The following MAN1A1 variants were observed in gnomAD, a reference collection of about 807,000 sequenced individuals.
The protein encoded by MAN1A1 is mannosidase alpha class 1A member 1, also known as mannosyl-oligosaccharide 1,2-alpha-mannosidase IA.
Under a neutral mutation model 70.8 loss-of-function variants are expected in MAN1A1, and 29 were observed. That is an observed-to-expected ratio of 0.41 (90% CI 0.31 to 0.56). The LOEUF is 0.56. MAN1A1 is among the 20% of genes least tolerant of loss of function. The probability of loss-of-function intolerance (pLI) is 0.29; values close to 1 mark genes in which losing one functional copy is unlikely to be tolerated. For missense variants in MAN1A1, 747 were observed against 841.3 expected (o/e 0.89, Z 1.39); for synonymous variants, 349 against 330.1 (o/e 1.06, Z -0.62).
intron 10 of MAN1A1, among the ~76,000 whole-genome samples, chr6:119,188,879 A>G (rs765952441): frequency 6.6e-6 from 1 of 152,230 alleles, no homozygotes; most frequent in Non-Finnish European, 1.5e-5. Flanking sequence ...GGGAATAAAG[A>G]TAAGAACAAA....
Position 119,349,232 on chromosome 6 carries a change from C to T in MAN1A1, c.-167G>A, listed in dbSNP as rs1191530437. On this transcript the variant is annotated 5_prime_UTR_variant, in exon 2 of 13. Coordinates refer to ENST00000368468, the MANE Select transcript of MAN1A1 (RefSeq NM_005907.4). ...GAACAACTCCGCGCCGGGTCTTCTC[C>T]CCGGGGCGGCTCCTCGGGCACACAG... 2 of 1,215,098 alleles carry T rather than the reference C, an allele frequency of 1.6e-6. No homozygotes were observed. Among genetic ancestry groups the T allele is most frequent in the Non-Finnish European group, 2.0e-6 (2 of 977,832 alleles). The allele number at this position is 1,215,098 out of a possible 1,614,324, so 75.3% of individuals were successfully genotyped here.
chr6:119,196,088 C>T (rs551760875), intron 8 of MAN1A1, among the ~76,000 whole-genome samples: 120 of 152,232 alleles, frequency 7.9e-4, no homozygotes, highest in African/African-American at 2.8e-3. Flanking sequence ...GGCCAGGATC[C>T]AGACGTGTCA....
At chr6:119,278,521 G>T (rs1289688690) in intron 5 of MAN1A1, among the ~76,000 whole-genome samples, 3 of 152,004 alleles carry the variant, frequency 2.0e-5, no homozygotes, top group Non-Finnish European at 4.4e-5. Context: ...TATTTTAGCA[G>T]TATTAAAGAT....
chr6:119,273,145 G>A (rs539572361), intron 5 of MAN1A1, among the ~76,000 whole-genome samples: 37 of 152,202 alleles, frequency 2.4e-4, no homozygotes, highest in African/African-American at 8.2e-4. Flanking sequence ...TAAGACTGGG[G>A]CAGAAATTTA....
intron 11 of MAN1A1, among the ~76,000 whole-genome samples, chr6:119,181,226 A>T (rs1562179587): frequency 6.6e-6 from 1 of 152,204 alleles, no homozygotes; most frequent in Non-Finnish European, 1.5e-5. Flanking sequence ...TAACAGAAAG[A>T]GTTTGCTGAC....
chr6:119,297,736 T>C (rs969877580), intron 4 of MAN1A1, among the ~76,000 whole-genome samples: 610 of 19,250 alleles, frequency 0.032, 4 homozygotes, highest in African/African-American at 0.1. Flanking sequence ...AATAGTTTCC[T>C]TTTTTTTTTT....
intron 5 of MAN1A1, among the ~76,000 whole-genome samples, chr6:119,278,799 G>C (rs1776149154): frequency 6.6e-6 from 1 of 152,110 alleles, no homozygotes; most frequent in East Asian, 1.9e-4. Context: ...TGGTTGTTTA[G>C]AGTATGGCAC....
chr6:119,278,204 ACAAT>A (rs60498316), intron 5 of MAN1A1, among the ~76,000 whole-genome samples: 6,267 of 152,132 alleles, frequency 0.041, 147 homozygotes, highest in African/African-American at 0.054. Context: ...TCACAGCACC[ACAAT>A]CAAACTGTCT....
chr6:119,189,827 C>G lies in MAN1A1; in HGVS notation c.1383G>C (p.Glu461Asp). 6.2e-7 allele frequency: 1 copy of G among 1,614,102 alleles called. No individual in the cohort carries two copies. Among genetic ancestry groups the G allele is most frequent in the Non-Finnish European group, 8.5e-7 (1 of 1,180,006 alleles). ...TGTGCTCCAGGAGGCCCCCTTTCCA[C>G]TCTGCGATATAAGTTAGTCCGCTGC... ...KSSSGLTYIAEWKGGLLEHKM... is the reference protein window; with the variant it reads ...KSSSGLTYIADWKGGLLEHKM... Residue 461 changes from glutamate to aspartate, a missense_variant, in exon 10 of 13, where the codon GAG (glutamate) becomes GAC (aspartate). This residue lies in a region of MAN1A1 where 419 missense variants were observed against 548.2 expected (regional missense o/e 0.76). Transcript: ENST00000368468.
At chr6:119,302,226 T>C (rs1582785311) in intron 3 of MAN1A1, 123 bp from the exon 4 acceptor site, 10 of 521,612 alleles carry the variant, frequency 1.9e-5, no homozygotes, top group South Asian at 7.1e-5. Flanking sequence ...ATATTAAACA[T>C]AGTCTAAAAT....
intron 6 of MAN1A1, among the ~76,000 whole-genome samples, chr6:119,206,683 T>C (rs539443207): frequency 1.3e-5 from 2 of 152,368 alleles, no homozygotes; most frequent in Admixed American, 6.5e-5. Flanking sequence ...ATAGGATGAA[T>C]AGCTACTTTC....
intron 7 of MAN1A1, 28 bp downstream of exon 7, chr6:119,204,731 C>T (rs1449664608): frequency 1.2e-6 from 2 of 1,611,752 alleles, no homozygotes; most frequent in Non-Finnish European, 1.7e-6. Context: ...TGTTGCTTTG[C>T]AGGCCAAGGC....
intron 2 of MAN1A1, 116 bp downstream of exon 2, chr6:119,348,347 C>A: frequency 9.5e-7 from 1 of 1,056,806 alleles, no homozygotes; most frequent in Non-Finnish European, 1.3e-6. Context: ...GTGGAAGGGG[C>A]AAACCTCCAT....
At chr6:119,215,083 A>G (rs551267925) in intron 6 of MAN1A1, among the ~76,000 whole-genome samples, 2 of 152,184 alleles carry the variant, frequency 1.3e-5, no homozygotes, top group African/African-American at 4.8e-5. Flanking sequence ...TAGCATTAGG[A>G]GATATACCTA....
At chr6:119,197,616 T>C (rs1056385616) in intron 8 of MAN1A1, among the ~76,000 whole-genome samples, 1 of 151,972 alleles carries the variant, frequency 6.6e-6, no homozygotes, top group African/African-American at 2.4e-5. Flanking sequence ...CTGGAAGAAA[T>C]GGCAATTGAG....
chr6:119,337,363 T>C (rs1477927957), intron 2 of MAN1A1, among the ~76,000 whole-genome samples: 2 of 152,200 alleles, frequency 1.3e-5, no homozygotes, highest in East Asian at 1.9e-4. Flanking sequence ...AATACCAGAT[T>C]ACTTAGCGCG....
In MAN1A1 at chr6:119,188,468, G is replaced by A; in HGVS notation, c.1656C>T (p.Tyr552=). ...YILRPEVMET[Y]MYMWRLTHDP... is the part of the protein sequence containing the mutation. Reference sequence around the variant, plus strand: ...CATGAGTCAGTCTCCACATATACATGTAAGTCTCCATAACTTCTGGCCGTA... The same window carrying A: ...CATGAGTCAGTCTCCACATATACATATAAGTCTCCATAACTTCTGGCCGTA... The change falls in exon 11 of 13, where the codon TAC becomes TAT. Residue 552 remains tyrosine, a synonymous_variant. Coordinates refer to ENST00000368468, the MANE Select transcript of MAN1A1 (RefSeq NM_005907.4). 6.2e-7 allele frequency: 1 copy of A among 1,613,908 alleles called. No homozygotes were observed. The highest frequency in any genetic ancestry group is 2.2e-5 in the East Asian group (1 of 44,866).
Position 119,177,534 on chromosome 6 carries a change from C to A in MAN1A1, c.*2285G>T, listed in dbSNP as rs1418086655. 6 of 152,028 alleles carry A rather than the reference C, an allele frequency of 3.9e-5. No individual in the cohort carries two copies. Among genetic ancestry groups the A allele is most frequent in the Non-Finnish European group, 8.8e-5 (6 of 67,920 alleles). The allele number at this position is 152,028 out of a possible 1,614,324, so 9.4% of individuals were successfully genotyped here. On this transcript the variant is annotated 3_prime_UTR_variant, in exon 13 of 13. Coordinates refer to ENST00000368468, the MANE Select transcript of MAN1A1 (RefSeq NM_005907.4). ...ATCTTTCAGTATGTGAATACGTATA[C>A]AAATTTAACTGCACAGTTTTGTTGA... is the stretch of plus-strand genomic sequence containing the variant.
rs1429569334 is a variant in MAN1A1, at chr6:119,324,996, C to A, written c.604-18004G>T. Among the ~76,000 whole-genome samples the A allele has an allele frequency of 2.0e-5, 3 of 152,028 alleles. No homozygotes were observed. The South Asian group carries it at 6.2e-4, about 31-fold the overall frequency. ...TTATCTCCAGACACTGGCAAATGTA[C>A]CCTGGGAAGCAAAACAGCCTTAGTT... On this transcript the variant is annotated intron_variant, in intron 2 of 12. Coordinates refer to ENST00000368468, the MANE Select transcript of MAN1A1 (RefSeq NM_005907.4).
Sources: gnomAD v4.1 joint callset for allele counts (sites outside exome capture counted in the v4.1 genomes callset) on GRCh38, gnomAD v4.1.1 for gene constraint, gnomAD v4.1.1 regional missense constraint, MANE v1.5 for transcripts, NCBI Gene and HGNC (gene_info 2026-07-23, HGNC 2026-07-21) for gene names.